The following ATG5 variants were observed in gnomAD, a reference collection of about 807,000 sequenced individuals.
The protein encoded by ATG5 is autophagy related 5.
ATG5 carries 14 observed loss-of-function variants against 36.5 expected under a neutral mutation model. The ratio of observed to expected loss-of-function variants is 0.38; its 90% CI spans 0.25 to 0.60. The LOEUF is 0.60. Ranked by LOEUF, ATG5 falls within the 20% of genes least tolerant of loss-of-function variation. The pLI is 0.60. For missense variants in ATG5, 195 were observed against 326.7 expected, an observed-to-expected ratio of 0.60 and a Z score of 3.11; for synonymous variants, 95 against 101.5, an observed-to-expected ratio of 0.94 and a Z score of 0.38.
At chr6:106,264,744 A>C (rs1333214041) in intron 5 of ATG5, among the ~76,000 whole-genome samples, 2 of 152,214 alleles carry the variant, frequency 1.3e-5, no homozygotes, top group Admixed American at 1.3e-4. Context: ...AGCCAAACTA[A>C]GCTTCATAAG....
intron 6 of ATG5, among the ~76,000 whole-genome samples, chr6:106,232,767 T>C (rs1361377541): frequency 1.3e-5 from 2 of 152,212 alleles, no homozygotes; most frequent in Non-Finnish European, 2.9e-5. Flanking sequence ...ACTGTCCCTC[T>C]ATACCTAGCT....
chr6:106,307,222 A>C (rs1269841250), intron 3 of ATG5, among the ~76,000 whole-genome samples: 1 of 152,224 alleles, frequency 6.6e-6, no homozygotes, highest in Non-Finnish European at 1.5e-5. Flanking sequence ...AAGCTCTTTC[A>C]AAAACTCTTC....
At chr6:106,204,015 G>A (rs1477499110) in intron 6 of ATG5, among the ~76,000 whole-genome samples, 1 of 152,056 alleles carries the variant, frequency 6.6e-6, no homozygotes, top group Non-Finnish European at 1.5e-5. Context: ...CTCACAACTG[G>A]GAGCTGAACA....
intron 5 of ATG5, among the ~76,000 whole-genome samples, chr6:106,264,836 G>A (rs968213246): frequency 7.2e-5 from 11 of 152,170 alleles, no homozygotes; most frequent in African/African-American, 2.7e-4. Context: ...AAGAGCTCCT[G>A]AAGGAAGCAC....
chr6:106,200,625 G>A (rs938677039), intron 7 of ATG5, among the ~76,000 whole-genome samples: 5 of 151,890 alleles, frequency 3.3e-5, no homozygotes, highest in African/African-American at 9.7e-5. Flanking sequence ...CAGGCGCCCC[G>A]CCACCACGCC....
intron 5 of ATG5, among the ~76,000 whole-genome samples, chr6:106,260,341 T>C (rs935694516): frequency 2.0e-5 from 3 of 152,232 alleles, no homozygotes; most frequent in East Asian, 3.8e-4. Context: ...ATTAGAATTA[T>C]GAAAATTAAC....
intron 6 of ATG5, among the ~76,000 whole-genome samples, chr6:106,240,929 G>C (rs1778099421): frequency 6.6e-6 from 1 of 152,216 alleles, no homozygotes; most frequent in African/African-American, 2.4e-5. Flanking sequence ...AAAGCAGGCG[G>C]ATCACTTGAG....
rs547208154 is a variant in ATG5 at position 106,280,479 on chromosome 6, G to T, written c.316-656C>A. Among the ~76,000 whole-genome samples, 9 of 151,964 alleles carry T rather than the reference G, an allele frequency of 5.9e-5. No individual in the cohort carries two copies. In the East Asian group the frequency reaches 1.7e-3, roughly 29 times the overall value. ...GGTTAAGCTTACTATAAGTCAATTA[G>T]ACCTCAATAAAGCTGTTAAAAAAGT... On this transcript the variant is annotated intron_variant, in intron 4 of 7. Coordinates refer to ENST00000369076, the MANE Select transcript of ATG5 (RefSeq NM_004849.4).
At chr6:106,195,371 G>A (rs1447115980) in intron 7 of ATG5, among the ~76,000 whole-genome samples, 2 of 152,072 alleles carry the variant, frequency 1.3e-5, no homozygotes, top group Non-Finnish European at 2.9e-5. Flanking sequence ...TTGAATGCAG[G>A]TGTGTCAAAA....
chr6:106,235,334 T>C (rs778110377), intron 6 of ATG5, among the ~76,000 whole-genome samples: 1 of 152,142 alleles, frequency 6.6e-6, no homozygotes, highest in African/African-American at 2.4e-5. Flanking sequence ...TACTAGCCCA[T>C]GCTCCAATTG....
intron 6 of ATG5, among the ~76,000 whole-genome samples, chr6:106,246,351 A>C (rs1778330475): frequency 6.7e-6 from 1 of 149,194 alleles, no homozygotes; most frequent in African/African-American, 2.5e-5. Flanking sequence ...CTTTATAAAA[A>C]CCATTCTCTC....
rs764764941 is a variant in ATG5 at position 106,248,278 on chromosome 6, GAAC to G, written c.479-37_479-35del. 1.4e-4 allele frequency: 208 copies of G among 1,477,988 alleles called. 1 individual carries two copies. Among genetic ancestry groups the G allele is most frequent in the Non-Finnish European group, 1.9e-4 (197 of 1,059,388 alleles). The allele number at this position is 1,477,988 out of a possible 1,614,324, so 91.6% of individuals were successfully genotyped here. A position where few individuals can be genotyped will look rare whatever the true frequency, so the allele number is the denominator to read the frequency against. On this transcript the variant is annotated intron_variant, in intron 5 of 7. Coordinates refer to ENST00000369076, the MANE Select transcript of ATG5 (RefSeq NM_004849.4). The stretch of plus-strand genomic sequence containing the variant: ...ATATAAATTATTTGTTATTAAAAAT[GAAC>G]AACATTATAATGGAATACCTCACAT...
At chr6:106,305,454 G>A (rs900981143) in intron 3 of ATG5, among the ~76,000 whole-genome samples, 7 of 152,032 alleles carry the variant, frequency 4.6e-5, no homozygotes, top group Non-Finnish European at 8.8e-5. Context: ...TTGTCATTGA[G>A]AACTGTCACC....
At chr6:106,219,563 T>C (rs944051110) in intron 6 of ATG5, among the ~76,000 whole-genome samples, 2 of 152,142 alleles carry the variant, frequency 1.3e-5, no homozygotes, top group African/African-American at 4.8e-5. Flanking sequence ...GTATGAAATA[T>C]TATAAGTAAT....
chr6:106,214,792 T>A (rs1776978955), intron 6 of ATG5, among the ~76,000 whole-genome samples: 1 of 152,166 alleles, frequency 6.6e-6, no homozygotes, highest in South Asian at 2.1e-4. Context: ...CGAGATCAAT[T>A]TGATGCTTGT....
rs576645243 is a variant in ATG5 at position 106,293,060 on chromosome 6, C to T, written c.283G>A (p.Ala95Thr). 1.2e-6 allele frequency: 2 copies of T among 1,613,422 alleles called. No homozygotes were observed. The highest frequency in any genetic ancestry group is 1.3e-5 in the African/African-American group (1 of 74,912). ...LLFDLLASSS[A>T]LPWNITVHFK... Reference sequence around the variant, plus strand: ...TGTACTGTGATGTTCCAAGGAAGAGCTGAACTTGATGCAAGAAGATCAAAT... The same window carrying T: ...TGTACTGTGATGTTCCAAGGAAGAGTTGAACTTGATGCAAGAAGATCAAAT... The change falls in exon 4 of 8, where the codon GCT (alanine) becomes ACT (threonine). Residue 95 changes from alanine (A) to threonine (T), a missense_variant. Ala to Thr is a moderately conservative substitution (Grantham distance 58). Transcript: ENST00000369076.
chr6:106,211,505 T>G (rs1466020960), intron 6 of ATG5, among the ~76,000 whole-genome samples: 5 of 152,066 alleles, frequency 3.3e-5, no homozygotes, highest in African/African-American at 1.2e-4. Context: ...GGTCGGGAGT[T>G]CGAGGCCAGC....
intron 5 of ATG5, among the ~76,000 whole-genome samples, chr6:106,274,588 C>T (rs147274628): frequency 6.6e-6 from 1 of 152,264 alleles, no homozygotes; most frequent in African/African-American, 2.4e-5. Context: ...TTTAATATCT[C>T]TGACTTCACA....
intron 6 of ATG5, among the ~76,000 whole-genome samples, chr6:106,218,893 T>C (rs1777141811): frequency 6.6e-6 from 1 of 152,014 alleles, no homozygotes; most frequent in Admixed American, 6.6e-5. Context: ...CTTCAAAACT[T>C]AAATTAAAAT....
Sources: gnomAD v4.1 joint callset for allele counts (sites outside exome capture counted in the v4.1 genomes callset) on GRCh38, gnomAD v4.1.1 for gene constraint, MANE v1.5 for transcripts, NCBI Gene and HGNC (gene_info 2026-07-23, HGNC 2026-07-21) for gene names.